The following ATAD2B variants were observed in gnomAD, a reference collection of about 807,000 sequenced individuals.
The protein encoded by ATAD2B is ATPase family AAA domain containing 2B, also known as ATPase family AAA domain-containing protein 2B.
ATAD2B carries 40 observed loss-of-function variants against 167.6 expected under a neutral mutation model. The observed-to-expected ratio is 0.24, with a 90% CI of 0.19 to 0.31. The LOEUF is 0.31. Among genes scored for constraint, ATAD2B ranks in the 10% least tolerant of loss-of-function variants. ATAD2B has a pLI of 1.00. For missense variants in ATAD2B, 1,242 were observed against 1,757.2 expected, an observed-to-expected ratio of 0.71 and a Z score of 5.24; for synonymous variants, 579 against 596.5, an observed-to-expected ratio of 0.97 and a Z score of 0.43.
chr2:23,712,365 A>T, the ATAD2B span, among the ~76,000 whole-genome samples: 1 of 152,244 alleles, frequency 6.6e-6, no homozygotes, highest in East Asian at 1.9e-4. Context: ...TCTCAGCAAC[A>T]TAATGAAGGA....
chr2:23,808,068 A>AATATATAAGTAATTATATATAATTAT (rs1684833017), intron 18 of ATAD2B, among the ~76,000 whole-genome samples: 4 of 60,952 alleles, frequency 6.6e-5, no homozygotes, highest in Admixed American at 2.0e-4. Context: ...TATAAATTAT[A>AATATATAAGTAATTATATATAATTAT]ATATATAAGT....
At chr2:23,771,065 A>G (rs993554606) in intron 22 of ATAD2B, among the ~76,000 whole-genome samples, 1 of 152,168 alleles carries the variant, frequency 6.6e-6, no homozygotes, top group African/African-American at 2.4e-5. Flanking sequence ...AGATTTATCT[A>G]TATTTCATGT....
intron 13 of ATAD2B, among the ~76,000 whole-genome samples, chr2:23,838,602 T>G (rs1690376750): frequency 6.6e-6 from 1 of 152,196 alleles, no homozygotes; most frequent in Non-Finnish European, 1.5e-5. Flanking sequence ...CTTCTAAAAG[T>G]GTTGTTTCAC....
At chr2:23,705,478 A>T in the ATAD2B span, among the ~76,000 whole-genome samples, 3 of 151,774 alleles carry the variant, frequency 2.0e-5, no homozygotes, top group African/African-American at 7.3e-5. Context: ...GTGACAGAGT[A>T]TGACTCCGTC....
intron 4 of ATAD2B, among the ~76,000 whole-genome samples, chr2:23,886,734 A>G (rs948693231): frequency 4.8e-5 from 7 of 146,136 alleles, no homozygotes; most frequent in African/African-American, 1.8e-4. Flanking sequence ...GATAGAGACC[A>G]TCCTGGCTAA....
At chr2:23,694,943 G>A in the ATAD2B span, among the ~76,000 whole-genome samples, 1 of 152,172 alleles carries the variant, frequency 6.6e-6, no homozygotes, top group Admixed American at 6.5e-5. Flanking sequence ...GGTCACAGTG[G>A]TCTCTGCACC....
chr2:23,855,119 G>A (rs534704567), intron 13 of ATAD2B, among the ~76,000 whole-genome samples: 2 of 151,810 alleles, frequency 1.3e-5, no homozygotes, highest in Non-Finnish European at 2.9e-5. Flanking sequence ...GCTTCAATGC[G>A]GGGTGCGGAG....
chr2:23,698,122 C>T, the ATAD2B span, among the ~76,000 whole-genome samples: 1 of 152,218 alleles, frequency 6.6e-6, no homozygotes, highest in Non-Finnish European at 1.5e-5. Context: ...CAGGGGTTGC[C>T]TGTATGGGCC....
intron 22 of ATAD2B, among the ~76,000 whole-genome samples, chr2:23,769,481 G>A (rs1677971079): frequency 6.6e-6 from 1 of 151,940 alleles, no homozygotes; most frequent in Admixed American, 6.6e-5. Flanking sequence ...AGGTAGTACA[G>A]TCAGCCCTTT....
chr2:23,868,024 GATGTGTCTTCATCTTTCTCC>G, intron 9 of ATAD2B, 78 bp from the exon 10 acceptor site: 1 of 904,534 alleles, frequency 1.1e-6, no homozygotes. Context: ...TACATTCTTT[GATGTGTCTTCATCTTTCTCC>G]TTTTTCTCAT....
Position 23,798,125 on chromosome 2 carries a change from A to T in ATAD2B, c.2640+13T>A, listed in dbSNP as rs778859317. ...ATATAATAAGGAAAGATAAATATTT[A>T]ATCAGTTCTTACCTCTTCAGGCAGT... is the stretch of plus-strand genomic sequence containing the variant. On this transcript the variant is annotated intron_variant, in intron 19 of 27. Transcript: ENST00000238789. 8.5e-6 allele frequency: 12 copies of T among 1,413,598 alleles called. No individual in the cohort carries two copies. The East Asian group carries it at 2.7e-4, about 32-fold the overall frequency. The allele number at this position is 1,413,598 out of a possible 1,614,324, so 87.6% of individuals were successfully genotyped here. A position where few individuals can be genotyped will look rare whatever the true frequency, so the allele number is the denominator to read the frequency against.
At chr2:23,727,709 T>C in the ATAD2B span, among the ~76,000 whole-genome samples, 1 of 152,162 alleles carries the variant, frequency 6.6e-6, no homozygotes, top group Non-Finnish European at 1.5e-5. Flanking sequence ...GGCATATCCA[T>C]ACAATGGAAT....
intron 7 of ATAD2B, among the ~76,000 whole-genome samples, chr2:23,880,055 TA>T (rs768434692): frequency 0.015 from 1,917 of 129,830 alleles, 16 homozygotes; most frequent in South Asian, 0.056. Context: ...ACTCTGTTTT[TA>T]AAAAAAAAAA....
chr2:23,789,197 A>G (rs1243281253), intron 19 of ATAD2B, among the ~76,000 whole-genome samples: 1 of 152,030 alleles, frequency 6.6e-6, no homozygotes, highest in Non-Finnish European at 1.5e-5. Flanking sequence ...AATTAAGCCA[A>G]TTATTCTCAT....
At chr2:23,703,611 T>G in the ATAD2B span, 1 of 1,330,422 alleles carries the variant, frequency 7.5e-7, no homozygotes. Context: ...ATCAGTCACT[T>G]GTTGGAAGTC....
intron 22 of ATAD2B, among the ~76,000 whole-genome samples, chr2:23,778,951 C>T (rs1440637107): frequency 1.3e-5 from 2 of 152,134 alleles, no homozygotes; most frequent in Non-Finnish European, 2.9e-5. Context: ...AGCACTCTCA[C>T]ACACTGCTCA....
chr2:23,788,688 G>C (rs755739534), intron 19 of ATAD2B, 41 bp from the exon 20 acceptor site: 8 of 1,456,788 alleles, frequency 5.5e-6, no homozygotes, highest in Non-Finnish European at 7.4e-6. Context: ...AATATATAAA[G>C]AATTAAAAGC....
chr2:23,926,623 C>T lies in ATAD2B; in HGVS notation c.148G>A (p.Ala50Thr). 1 of 1,563,848 alleles carries T rather than the reference C, an allele frequency of 6.4e-7. No individual in the cohort carries two copies. The highest frequency in any genetic ancestry group is 8.7e-7 in the Non-Finnish European group (1 of 1,155,622). ...GCTTTGGCGGCGGGGCAGCTGGCGG[C>T]GCGGGTCTTGGAGGAGCGGGTCCGA... Reference protein sequence around the residue: ...SSRTRSSKTRAASCPAAKAGG... With the variant: ...SSRTRSSKTRTASCPAAKAGG... Residue 50 changes from alanine to threonine, a missense_variant, in exon 1 of 28, where the codon GCC becomes ACC. Around this residue, in one of 9 missense-constraint regions of ATAD2B, gnomAD observed 199 missense variants for 194.9 expected, o/e 1.02. Transcript: ENST00000238789.
chr2:23,769,148 A>C (rs1040314285), intron 22 of ATAD2B, among the ~76,000 whole-genome samples: 3 of 152,112 alleles, frequency 2.0e-5, no homozygotes, highest in Non-Finnish European at 2.9e-5. Flanking sequence ...TCTCATATAA[A>C]ATGAGGTAGT....
Sources: allele counts gnomAD v4.1 joint callset (sites outside exome capture counted in the v4.1 genomes callset), GRCh38; gene constraint gnomAD v4.1.1; regional missense constraint gnomAD v4.1.1; transcripts MANE v1.5; gene names NCBI Gene and HGNC (gene_info 2026-07-23, HGNC 2026-07-21).